The following COL24A1 variants were observed in gnomAD, a reference collection of about 807,000 sequenced individuals.
The protein encoded by COL24A1 is collagen alpha-1(XXIV) chain.
Under a neutral mutation model 253.9 loss-of-function variants are expected in COL24A1, and 224 were observed. The ratio of observed to expected loss-of-function variants is 0.88; its 90% CI spans 0.79 to 0.99. The LOEUF is 0.99. COL24A1 is among the 50% of genes least tolerant of loss of function. COL24A1 has a pLI of 0.00. For synonymous variants in COL24A1, 685 were observed against 673.7 expected, an observed-to-expected ratio of 1.02 and a Z score of -0.26; for missense variants, 2,131 against 2,068.5, an observed-to-expected ratio of 1.03 and a Z score of -0.59.
Position 86,125,055 on chromosome 1 carries a change from A to T in COL24A1, c.1281T>A (p.Ile427=), listed in dbSNP as rs1648035577. The T allele has an allele frequency of 6.2e-7, 1 of 1,612,884 alleles. No individual in the cohort carries two copies. The highest frequency in any genetic ancestry group is 8.5e-7 in the Non-Finnish European group (1 of 1,179,582). The change falls in exon 3 of 60, where the codon ATT becomes ATA. Residue 427 remains isoleucine, a synonymous_variant. Coordinates refer to ENST00000370571, the MANE Select transcript of COL24A1 (RefSeq NM_152890.7). Reference sequence around the variant, plus strand: ...TCACTCTATGCAAGCTTGTGTTTAAAATTGGTTGCATTTCCATGAGTTCGT... The same window carrying T: ...TCACTCTATGCAAGCTTGTGTTTAATATTGGTTGCATTTCCATGAGTTCGT... ...HTNELMEMQP[I]LNTSLHRVTN...
intron 28 of COL24A1, among the ~76,000 whole-genome samples, chr1:85,900,436 C>G (rs1417263561): frequency 1.3e-5 from 2 of 151,898 alleles, no homozygotes; most frequent in Non-Finnish European, 2.9e-5. Context: ...CCCAGGAGTT[C>G]AAGATCAGCC....
In COL24A1 at chr1:85,916,518, A is replaced by G. The variant is rs372614798; in HGVS notation, c.2563-5085T>C. ...GAGATCACATCTCTATAAATAATCT[A>G]TACATAATAATAATAAAATTAGCTG... On this transcript the variant is annotated intron_variant, in intron 24 of 59. Coordinates refer to ENST00000370571, the MANE Select transcript of COL24A1 (RefSeq NM_152890.7). Among the ~76,000 whole-genome samples the G allele has an allele frequency of 4.6e-5, 7 of 152,174 alleles. No homozygotes were observed. In the East Asian group the frequency reaches 5.8e-4, roughly 13 times the overall value.
intron 33 of COL24A1, among the ~76,000 whole-genome samples, chr1:85,875,766 C>CAG (rs1553209798): frequency 7.3e-6 from 1 of 136,912 alleles, no homozygotes; most frequent in African/African-American, 2.7e-5. Context: ...CACACACACA[C>CAG]AGAGCTTCTT....
At chr1:85,797,296 T>C (rs1670935587) in intron 47 of COL24A1, among the ~76,000 whole-genome samples, 1 of 151,490 alleles carries the variant, frequency 6.6e-6, no homozygotes, top group Non-Finnish European at 1.5e-5. Flanking sequence ...TAGGTGATTC[T>C]ACAGGACTCT....
chr1:85,755,453 G>T (rs1349914363), intron 55 of COL24A1, among the ~76,000 whole-genome samples: 3 of 152,122 alleles, frequency 2.0e-5, no homozygotes, highest in Non-Finnish European at 4.4e-5. Flanking sequence ...AGTTGTTAGA[G>T]GCATCATGTT....
intron 24 of COL24A1, chr1:85,960,701 G>A (rs1460075731): frequency 2.0e-5 from 3 of 152,768 alleles, no homozygotes; most frequent in Non-Finnish European, 4.4e-5. Context: ...TGGTTGACAT[G>A]GGGAAACTCC....
chr1:85,838,509 T>C (rs1570855720), intron 43 of COL24A1, 76 bp downstream of exon 43: 1 of 1,299,698 alleles, frequency 7.7e-7, no homozygotes, highest in Non-Finnish European at 1.1e-6. Flanking sequence ...ATCTCAATAA[T>C]GGAATGGAAA....
intron 39 of COL24A1, among the ~76,000 whole-genome samples, chr1:85,844,161 A>G (rs185558124): frequency 1.6e-3 from 237 of 152,246 alleles, no homozygotes; most frequent in African/African-American, 5.0e-3. Context: ...TCTTTTGACA[A>G]AATTTGAATA....
intron 43 of COL24A1, among the ~76,000 whole-genome samples, chr1:85,837,261 G>GA (rs956183895): frequency 1.4e-4 from 21 of 150,524 alleles, no homozygotes; most frequent in East Asian, 3.9e-4. Flanking sequence ...TTTGAAAACA[G>GA]AAAAAAAAAT....
intron 3 of COL24A1, among the ~76,000 whole-genome samples, chr1:86,116,383 A>G (rs944944682): frequency 6.6e-6 from 1 of 152,198 alleles, no homozygotes; most frequent in African/African-American, 2.4e-5. Context: ...AAATTTTTAT[A>G]TATCTATGCT....
chr1:86,130,503 C>T (rs1648996028), intron 2 of COL24A1, among the ~76,000 whole-genome samples: 1 of 151,736 alleles, frequency 6.6e-6, no homozygotes, highest in African/African-American at 2.4e-5. Flanking sequence ...CTAAGGGTTT[C>T]CTTTAAAATT....
intron 43 of COL24A1, among the ~76,000 whole-genome samples, chr1:85,829,283 A>G (rs969383780): frequency 1.3e-5 from 2 of 151,980 alleles, no homozygotes; most frequent in Non-Finnish European, 2.9e-5. Context: ...AGTTTCTGCC[A>G]AGAGATCTGC....
intron 28 of COL24A1, among the ~76,000 whole-genome samples, chr1:85,899,438 T>A (rs751528600): frequency 6.6e-6 from 1 of 152,120 alleles, no homozygotes; most frequent in Non-Finnish European, 1.5e-5. Flanking sequence ...AGAAAACAAA[T>A]TAGAAATGTA....
intron 43 of COL24A1, among the ~76,000 whole-genome samples, chr1:85,830,335 A>T (rs995406518): frequency 5.3e-5 from 8 of 152,106 alleles, no homozygotes; most frequent in African/African-American, 1.9e-4. Context: ...AAGCTGTCAG[A>T]CAGGGACATT....
At chr1:86,089,915 G>T (rs1703366723) in intron 6 of COL24A1, among the ~76,000 whole-genome samples, 1 of 152,152 alleles carries the variant, frequency 6.6e-6, no homozygotes. Context: ...CCCCTACTCC[G>T]TTTCTGTGAG....
chr1:85,818,104 C>T lies in COL24A1; in HGVS notation c.3790-17G>A, dbSNP rs1420442316. 2 of 1,608,048 alleles carry T rather than the reference C, an allele frequency of 1.2e-6. No homozygotes were observed. Among genetic ancestry groups the T allele is most frequent in the Non-Finnish European group, 1.7e-6 (2 of 1,174,672 alleles). ...CTTATTACCCTAAAGATGGAAAGCA[C>T]AGTTGTCAATTGACTGTAATAATCT... On this transcript the variant is annotated splice_polypyrimidine_tract_variant and intron_variant, in intron 45 of 59. Transcript: ENST00000370571.
chr1:85,788,622 T>A (rs1404739375), intron 47 of COL24A1, among the ~76,000 whole-genome samples: 1 of 152,204 alleles, frequency 6.6e-6, no homozygotes, highest in Non-Finnish European at 1.5e-5. Context: ...TGATGTTTCA[T>A]CATGAAGTCT....
intron 5 of COL24A1, among the ~76,000 whole-genome samples, chr1:86,094,098 A>G (rs1703719529): frequency 6.6e-6 from 1 of 152,124 alleles, no homozygotes; most frequent in Admixed American, 6.5e-5. Context: ...TCAAAGACCT[A>G]GAGACAGAAA....
intron 10 of COL24A1, among the ~76,000 whole-genome samples, chr1:86,051,516 A>T (rs1700300965): frequency 6.6e-6 from 1 of 152,104 alleles, no homozygotes; most frequent in African/African-American, 2.4e-5. Context: ...GAATGAAATG[A>T]CACAGCATTT....
Sources: gnomAD v4.1 joint callset for allele counts (sites outside exome capture counted in the v4.1 genomes callset) on GRCh38, gnomAD v4.1.1 for gene constraint, MANE v1.5 for transcripts, NCBI Gene and HGNC (gene_info 2026-07-23, HGNC 2026-07-21) for gene names.